The following EIF3C variants were observed in gnomAD, a reference collection of about 807,000 sequenced individuals.
EIF3C encodes eukaryotic translation initiation factor 3 subunit C, also known as cell migration-inducing protein 17.
Under a neutral mutation model 11.1 loss-of-function variants are expected in EIF3C, and 2 were observed. The observed-to-expected ratio is 0.18, with a 90% CI of 0.07 to 0.57. The LOEUF is 0.57. Ranked by LOEUF, EIF3C falls within the 20% of genes least tolerant of loss-of-function variation. The pLI is 0.92. For missense variants in EIF3C, 16 were observed against 114.6 expected (o/e 0.14, Z 3.93); for synonymous variants, 2 against 41.5 (o/e 0.05, Z 3.66).
At chr16:28,691,170 G>A (rs1449285134) in intron 1 of EIF3C, among the ~76,000 whole-genome samples, 2 of 35,378 alleles carry the variant, frequency 5.7e-5, no homozygotes, top group Non-Finnish European at 8.7e-5. Flanking sequence ...GCAAGACTCC[G>A]TCTCAAAAAA....
Position 28,729,833 on chromosome 16 carries a change from G to A in EIF3C, c.1819-1996G>A, listed in dbSNP as rs541688666. On this transcript the variant is annotated intron_variant, in intron 15 of 20. Coordinates refer to ENST00000331666, the MANE Select transcript of EIF3C (RefSeq NM_003752.5). ...AAACTAGTCAGGCATAGTGGTGCAC[G>A]CCTGTAGTCCCACCTACTCAGGAGG... Among the ~76,000 whole-genome samples the A allele has an allele frequency of 8.0e-5, 12 of 149,530 alleles. 1 individual carries two copies. In the South Asian group the frequency reaches 1.7e-3, roughly 21 times the overall value.
At chr16:28,731,181 G>A (rs2151802956) in intron 15 of EIF3C, among the ~76,000 whole-genome samples, 1 of 30,100 alleles carries the variant, frequency 3.3e-5, no homozygotes, top group Middle Eastern at 0.012. Flanking sequence ...GCTGGTGCTC[G>A]CCCATCCCCC....
chr16:28,697,880 A>C (rs1313552183), intron 1 of EIF3C, among the ~76,000 whole-genome samples: 47 of 38,748 alleles, frequency 1.2e-3, no homozygotes, highest in South Asian at 2.1e-3. Context: ...CTGACCCCCC[A>C]ACCTCCCTCC....
rs1458812884 is a variant in EIF3C, at chr16:28,713,162, TAACA to T, written c.102-532_102-529del. On this transcript the variant is annotated intron_variant, in intron 2 of 20. Transcript: ENST00000331666. ...GGCAACATAGTGAGACCTTATCTCT[TAACA>T]AACAAAAAGAGTAGAGATACTGTTG... 5 of 101,610 alleles carry T rather than the reference TAACA, an allele frequency of 4.9e-5. No individual in the cohort carries two copies. The East Asian group carries it at 1.4e-3, about 28-fold the overall frequency. The allele number at this position is 101,610 out of a possible 1,614,324, so 6.3% of individuals were successfully genotyped here.
rs56382957 is a variant in EIF3C, at chr16:28,699,482, CGGAGAGGGAGAG to C, written c.-31+10681_-31+10692del. Among the ~76,000 whole-genome samples, 118 of 84,826 alleles carry C rather than the reference CGGAGAGGGAGAG, an allele frequency of 1.4e-3. 12 individuals carry two copies. Among genetic ancestry groups the C allele is most frequent in the Non-Finnish European group, 1.9e-3 (89 of 46,286 alleles). The allele number at this position is 84,826 out of a possible 152,430, so 55.6% of individuals were successfully genotyped here. A position where few individuals can be genotyped will look rare whatever the true frequency, so the allele number is the denominator to read the frequency against. On this transcript the variant is annotated intron_variant, in intron 1 of 20. Transcript: ENST00000566501. Reference sequence around the variant, plus strand: ...AGGGAGACGGAGACGGAGACGGAGACGGAGAGGGAGAGGGAGAGGGAGAGGGAGAGGGAGAGG... The same window carrying C: ...AGGGAGACGGAGACGGAGACGGAGACGGAGAGGGAGAGGGAGAGGGAGAGG...
At position 28,696,964 on chromosome 16, in the gene EIF3C, CTTT is replaced by C. The variant is rs574170044; in HGVS notation, c.-31+8151_-31+8153del. ...TTTTTTATAGCATGCACACTACTATCTTTTTTTTTTTTTTTTTGAGACAGAGTC... is the reference window on the plus strand; with the variant it reads ...TTTTTTATAGCATGCACACTACTATCTTTTTTTTTTTTTTGAGACAGAGTC... On this transcript the variant is annotated intron_variant, in intron 1 of 20. Transcript: ENST00000566501. 9.7e-5 allele frequency among the ~76,000 whole-genome samples: 4 copies of C among 41,298 alleles called. 1 individual carries two copies. The highest frequency in any genetic ancestry group is 1.6e-4 in the Non-Finnish European group (4 of 24,650). 27.1% of individuals were successfully genotyped at this position (41,298 alleles called of 152,430 possible).
intron 1 of EIF3C, among the ~76,000 whole-genome samples, chr16:28,691,618 CAG>C (rs2048217854): frequency 1.7e-5 from 1 of 57,714 alleles, no homozygotes; most frequent in African/African-American, 8.4e-5. Context: ...TATGATTCAT[CAG>C]CAGGTACTTT....
Position 28,700,469 on chromosome 16 carries a change from G to A in EIF3C, c.-30-11188G>A, listed in dbSNP as rs750278424. 9.5e-5 allele frequency: 34 copies of A among 358,708 alleles called. 8 individuals are homozygous for A. The highest frequency in any genetic ancestry group is 1.2e-4 in the Non-Finnish European group (24 of 196,168). 22.2% of individuals were successfully genotyped at this position (358,708 alleles called of 1,614,324 possible). ...GTGGGGTCCATCTTGCTGCATTTGC[G>A]CGTCCTTCGCATTGAAGCCCTTTTG... On this transcript the variant is annotated intron_variant, in intron 1 of 20. Coordinates refer to the EIF3C transcript ENST00000566501.
At position 28,712,956 on chromosome 16, in the gene EIF3C, C is replaced by T. The variant is rs558708699; in HGVS notation, c.102-745C>T. On this transcript the variant is annotated intron_variant, in intron 2 of 20. Coordinates refer to ENST00000331666, the MANE Select transcript of EIF3C (RefSeq NM_003752.5). Reference sequence around the variant, plus strand: ...GAGGTTGTAGTGAGCCGAGATTGCGCCATTGCACTCCAGCCTGGGCGATAA... The same window carrying T: ...GAGGTTGTAGTGAGCCGAGATTGCGTCATTGCACTCCAGCCTGGGCGATAA... Among the ~76,000 whole-genome samples, 30 of 149,340 alleles carry T rather than the reference C, an allele frequency of 2.0e-4. 2 individuals carry two copies. The highest frequency in any genetic ancestry group is 6.2e-4 in the African/African-American group (25 of 40,432).
At chr16:28,712,748 C>T (rs1441625651) in intron 2 of EIF3C, among the ~76,000 whole-genome samples, 7 of 150,096 alleles carry the variant, frequency 4.7e-5, no homozygotes, top group South Asian at 2.1e-4. Context: ...TGGCTCAAGC[C>T]GGTAATCCCA....
At position 28,728,521 on chromosome 16, in the gene EIF3C, G is replaced by GGTGTGTGTGT. The variant is rs56292996; in HGVS notation, c.1818+1295_1818+1304dup. On this transcript the variant is annotated intron_variant, in intron 15 of 20. Transcript: ENST00000331666. ...GGTGTGTGTGTGTGTATCTTTTAGG[G>GGTGTGTGTGT]GTGTGTGTGTGTGTGTGTGTGTGTG... Among the ~76,000 whole-genome samples the GGTGTGTGTGT allele has an allele frequency of 5.3e-4, 46 of 87,044 alleles. No homozygotes were observed. The East Asian group carries it at 7.1e-3, about 13-fold the overall frequency. The allele number at this position is 87,044 out of a possible 152,430, so 57.1% of individuals were successfully genotyped here. A position where few individuals can be genotyped will look rare whatever the true frequency, so the allele number is the denominator to read the frequency against.
Position 28,695,707 on chromosome 16 carries a change from G to A in EIF3C, c.-31+6879G>A, listed in dbSNP as rs568944269. Among the ~76,000 whole-genome samples the A allele has an allele frequency of 8.7e-4, 45 of 51,768 alleles. 15 individuals carry two copies. In the East Asian group the frequency reaches 0.013, roughly 15 times the overall value. 34.0% of individuals were successfully genotyped at this position (51,768 alleles called of 152,430 possible). On this transcript the variant is annotated intron_variant, in intron 1 of 20. Transcript: ENST00000566501. ...CTTCCTGTCAAGACAGTTAACCAGAGGGCTGGGCGCAGTGGCTTACACCTG... is the reference window on the plus strand; with the variant it reads ...CTTCCTGTCAAGACAGTTAACCAGAAGGCTGGGCGCAGTGGCTTACACCTG...
chr16:28,697,863 C>A (rs1440544794), intron 1 of EIF3C, among the ~76,000 whole-genome samples: 1 of 84,710 alleles, frequency 1.2e-5, no homozygotes, highest in Non-Finnish European at 2.2e-5. Context: ...GCTGGCCGGG[C>A]GGGGGGCTGA....
intron 1 of EIF3C, among the ~76,000 whole-genome samples, chr16:28,699,482 C>CGGAGACGGAGAGGGAGAG (rs2048268389): frequency 1.2e-5 from 1 of 84,840 alleles, no homozygotes; most frequent in African/African-American, 6.7e-5. Context: ...GAGACGGAGA[C>CGGAGACGGAGAGGGAGAG]GGAGAGGGAG....
intron 1 of EIF3C, among the ~76,000 whole-genome samples, chr16:28,697,097 T>C (rs2048242634): frequency 3.4e-5 from 1 of 29,686 alleles, no homozygotes; most frequent in Non-Finnish European, 5.5e-5. Context: ...CCTGAGTAGC[T>C]AGGATTACAG....
chr16:28,699,750 G>C (rs2048270458), intron 1 of EIF3C, among the ~76,000 whole-genome samples: 1 of 87,356 alleles, frequency 1.1e-5, no homozygotes, highest in African/African-American at 5.1e-5. Flanking sequence ...CACCATGTTG[G>C]CCAGGCTGGT....
At position 28,699,427 on chromosome 16, in the gene EIF3C, G is replaced by C. The variant is rs1164078978; in HGVS notation, c.-31+10599G>C. Among the ~76,000 whole-genome samples the C allele has an allele frequency of 1.3e-4, 13 of 102,936 alleles. 1 individual carries two copies. Among genetic ancestry groups the C allele is most frequent in the African/African-American group, 5.5e-4 (12 of 21,644 alleles). The allele number at this position is 102,936 out of a possible 152,430, so 67.5% of individuals were successfully genotyped here. On this transcript the variant is annotated intron_variant, in intron 1 of 20. Coordinates refer to the EIF3C transcript ENST00000566501. ...GATGGCAGCACTACAGTCCAGCTTC[G>C]GCTCCGCATGAGAGGGAGACCGTGG...
intron 1 of EIF3C, among the ~76,000 whole-genome samples, chr16:28,694,401 G>A (rs2048232236): frequency 6.6e-6 from 1 of 151,246 alleles, no homozygotes; most frequent in African/African-American, 2.4e-5. Flanking sequence ...TATGGTGACA[G>A]AAAGCAGATC....
intron 15 of EIF3C, among the ~76,000 whole-genome samples, chr16:28,728,477 G>T (rs2048404617): frequency 1.3e-5 from 1 of 77,690 alleles, no homozygotes; most frequent in Admixed American, 1.6e-4. Flanking sequence ...TTTAGGGGTT[G>T]TGTGTGTATC....
Sources: gnomAD v4.1 joint callset for allele counts (sites outside exome capture counted in the v4.1 genomes callset) on GRCh38, gnomAD v4.1.1 for gene constraint, MANE v1.5 for transcripts, NCBI Gene and HGNC (gene_info 2026-07-23, HGNC 2026-07-21) for gene names.